MTHFD2L: variants seen among roughly 807,000 people sequenced by gnomAD.
MTHFD2L encodes bifunctional methylenetetrahydrofolate dehydrogenase/cyclohydrolase 2, mitochondrial.
MTHFD2L carries 29 observed loss-of-function variants against 34.9 expected under a neutral mutation model. That is an observed-to-expected ratio of 0.83 (90% CI 0.62 to 1.13). The LOEUF (loss-of-function observed/expected upper bound fraction) is 1.13, where lower values mean the gene tolerates loss of function less well. Among genes scored for constraint, MTHFD2L ranks in the 50% most tolerant of loss-of-function variants. The pLI is 0.00. For synonymous variants in MTHFD2L, 167 were observed against 155.7 expected (o/e 1.07, Z -0.54); for missense variants, 481 against 446.5 (o/e 1.08, Z -0.70).
chr4:74,134,438 C>T (rs1722763536), intron 1 of MTHFD2L, among the ~76,000 whole-genome samples: 1 of 152,088 alleles, frequency 6.6e-6, no homozygotes, highest in African/African-American at 2.4e-5. Flanking sequence ...AGGCTTATGG[C>T]GCCATCTAGA....
At chr4:74,252,435 A>T (rs1743454258) in intron 6 of MTHFD2L, among the ~76,000 whole-genome samples, 2 of 152,174 alleles carry the variant, frequency 1.3e-5, no homozygotes, top group African/African-American at 4.8e-5. Flanking sequence ...AGGGTGAGGA[A>T]AATAGGCATA....
chr4:74,199,742 C>G (rs779217169), intron 3 of MTHFD2L, 52 bp from the exon 4 acceptor site: 131 of 1,480,788 alleles, frequency 8.8e-5, no homozygotes, highest in Non-Finnish European at 1.2e-4. Flanking sequence ...ATTTTTCAGG[C>G]TACCAAATAA....
intron 6 of MTHFD2L, among the ~76,000 whole-genome samples, chr4:74,265,428 G>A (rs866373293): frequency 3.9e-5 from 6 of 152,130 alleles, no homozygotes; most frequent in African/African-American, 1.4e-4. Flanking sequence ...TCTTAATAAT[G>A]TGTGAATAAC....
chr4:74,187,573 A>T (rs1292264959), intron 3 of MTHFD2L, among the ~76,000 whole-genome samples: 1 of 152,188 alleles, frequency 6.6e-6, no homozygotes, highest in Non-Finnish European at 1.5e-5. Flanking sequence ...TACTACTGCA[A>T]ACCCATTAGA....
intron 7 of MTHFD2L, among the ~76,000 whole-genome samples, chr4:74,291,752 G>A (rs1005537188): frequency 3.3e-5 from 5 of 152,156 alleles, no homozygotes; most frequent in African/African-American, 1.2e-4. Context: ...TATATAATCA[G>A]TTTCTAAGTA....
At chr4:74,155,278 AACC>A (rs1173624733), upstream of MTHFD2L, among the ~76,000 whole-genome samples, 1 of 152,168 alleles carries the variant, frequency 6.6e-6, no homozygotes. Context: ...CCTTCCTGGA[AACC>A]ACCAACCTGC....
At chr4:74,289,136 A>G (rs1748563697) in intron 7 of MTHFD2L, among the ~76,000 whole-genome samples, 1 of 152,242 alleles carries the variant, frequency 6.6e-6, no homozygotes, top group Non-Finnish European at 1.5e-5. Context: ...CATTTTGGTT[A>G]TAGGAGACAG....
chr4:74,125,176 A>G (rs1474882841), upstream of MTHFD2L, among the ~76,000 whole-genome samples: 4 of 152,326 alleles, frequency 2.6e-5, no homozygotes, highest in Non-Finnish European at 5.9e-5. Context: ...AGGAATTAGC[A>G]TGAGTGAAGC....
rs115867499 is a variant in MTHFD2L, at chr4:74,259,703, G to A, written c.806-21722G>A. On this transcript the variant is annotated intron_variant, in intron 6 of 7. Coordinates refer to ENST00000325278, the MANE Select transcript of MTHFD2L (RefSeq NM_001144978.3). ...TGGAGGAGACTGGTAGTCCATGAACGCAACAAGCTAAACCATAGATCAGCT... is the reference window on the plus strand; with the variant it reads ...TGGAGGAGACTGGTAGTCCATGAACACAACAAGCTAAACCATAGATCAGCT... Among the ~76,000 whole-genome samples, 654 of 152,272 alleles carry A rather than the reference G, an allele frequency of 4.3e-3. 9 individuals carry two copies. The highest frequency in any genetic ancestry group is 0.015 in the African/African-American group (609 of 41,562).
intron 5 of MTHFD2L, among the ~76,000 whole-genome samples, chr4:74,214,260 G>T (rs1387687348): frequency 6.6e-6 from 1 of 151,794 alleles, no homozygotes; most frequent in Non-Finnish European, 1.5e-5. Context: ...TGGTGGTGAG[G>T]AATTGTGATC....
chr4:74,140,691 G>A (rs1425212045), intron 1 of MTHFD2L: 4 of 336,322 alleles, frequency 1.2e-5, no homozygotes, highest in African/African-American at 2.2e-5. Flanking sequence ...CCACAGGGCC[G>A]GGAGGCCTCA....
intron 3 of MTHFD2L, among the ~76,000 whole-genome samples, chr4:74,196,581 T>A (rs1026791200): frequency 6.6e-6 from 1 of 152,218 alleles, no homozygotes; most frequent in Non-Finnish European, 1.5e-5. Context: ...AATAAGCCAG[T>A]AATTTGTTTG....
At chr4:74,243,928 TATAA>T (rs1406655701) in intron 6 of MTHFD2L, among the ~76,000 whole-genome samples, 5 of 152,200 alleles carry the variant, frequency 3.3e-5, no homozygotes, top group Admixed American at 1.3e-4. Flanking sequence ...GGATCAAAAT[TATAA>T]ATAACACTGC....
intron 6 of MTHFD2L, chr4:74,267,272 C>A (rs892210058): frequency 1.0e-6 from 1 of 970,874 alleles, no homozygotes; most frequent in African/African-American, 1.9e-5. Context: ...AAATACATTT[C>A]TTTTTTCTAT....
At chr4:74,293,330 T>G (rs1450514340) in intron 7 of MTHFD2L, among the ~76,000 whole-genome samples, 2 of 152,266 alleles carry the variant, frequency 1.3e-5, no homozygotes, top group Middle Eastern at 3.4e-3. Flanking sequence ...TTGCTGAGAA[T>G]GATGGTTTAC....
At chr4:74,201,454 C>A in intron 5 of MTHFD2L, 84 bp downstream of exon 5, 1 of 972,784 alleles carries the variant, frequency 1.0e-6, no homozygotes, top group Non-Finnish European at 1.5e-6. Context: ...GATAATGCAG[C>A]TTATTATATT....
chr4:74,140,922 C>G (rs1723241767), intron 1 of MTHFD2L, among the ~76,000 whole-genome samples: 1 of 152,164 alleles, frequency 6.6e-6, no homozygotes, highest in Admixed American at 6.5e-5. Context: ...ATGGGAATTA[C>G]AAAATGAGAT....
chr4:74,155,909 TA>T (rs60044806), upstream of MTHFD2L, among the ~76,000 whole-genome samples: 133,467 of 143,078 alleles, frequency 0.93, 62,400 homozygotes, highest in East Asian at 0.99. Context: ...CCATGTGATT[TA>T]AAAAAAAAAA....
intron 6 of MTHFD2L, among the ~76,000 whole-genome samples, chr4:74,265,075 T>G (rs920110622): frequency 1.3e-4 from 20 of 152,182 alleles, no homozygotes; most frequent in African/African-American, 4.6e-4. Context: ...CTTTTTTTTT[T>G]ACTTCATGCT....
Sources: allele counts gnomAD v4.1 joint callset (sites outside exome capture counted in the v4.1 genomes callset), GRCh38; gene constraint gnomAD v4.1.1; transcripts MANE v1.5; gene names NCBI Gene and HGNC (gene_info 2026-07-23, HGNC 2026-07-21).